NAV2: variants seen among roughly 807,000 people sequenced by gnomAD.
NAV2 encodes neuron navigator 2, also known as helicase, APC down-regulated 1.
Under a neutral mutation model 223.2 loss-of-function variants are expected in NAV2, and 54 were observed. The ratio of observed to expected loss-of-function variants is 0.24; its 90% CI spans 0.19 to 0.30. The LOEUF (loss-of-function observed/expected upper bound fraction) is 0.30, where lower values mean the gene tolerates loss of function less well. Among genes scored for constraint, NAV2 ranks in the 10% least tolerant of loss-of-function variants. NAV2 has a pLI of 1.00. For missense variants in NAV2, 2,806 were observed against 3,147.5 expected, an observed-to-expected ratio of 0.89 and a Z score of 2.60; for synonymous variants, 1,279 against 1,239.3, an observed-to-expected ratio of 1.03 and a Z score of -0.67.
rs568110157 is a variant in NAV2 at position 19,956,734 on chromosome 11, T to G, written c.2645+7654T>G. 2.0e-5 allele frequency among the ~76,000 whole-genome samples: 3 copies of G among 152,196 alleles called. No individual in the cohort carries two copies. In the East Asian group the frequency reaches 5.8e-4, roughly 29 times the overall value. On this transcript the variant is annotated intron_variant, in intron 10 of 37. Transcript: ENST00000349880. The stretch of plus-strand genomic sequence containing the variant: ...CACCCTGGAAGCTCTCTGAGTCCCA[T>G]AGTTGAATGTTTTTTTGGAGACTCT...
chr11:19,994,517 G>A (rs575127471), intron 11 of NAV2, among the ~76,000 whole-genome samples: 1 of 147,034 alleles, frequency 6.8e-6, no homozygotes, highest in African/African-American at 2.5e-5. Flanking sequence ...CTGCCCTCCA[G>A]CCTGGGCGAC....
intron 1 of NAV2, among the ~76,000 whole-genome samples, chr11:19,632,416 G>A (rs1015351503): frequency 2.0e-5 from 3 of 151,960 alleles, no homozygotes; most frequent in Admixed American, 6.6e-5. Context: ...TCATGTCTGC[G>A]CTTTGCAAAC....
In NAV2 at chr11:19,939,671, G is replaced by T; in HGVS notation, c.2044G>T (p.Asp682Tyr). The T allele has an allele frequency of 6.2e-7, 1 of 1,614,074 alleles. No individual in the cohort carries two copies. Among genetic ancestry groups the T allele is most frequent in the South Asian group, 1.1e-5 (1 of 91,062 alleles). The change falls in exon 8 of 38, where the codon GAC (aspartate) becomes TAC (tyrosine). Residue 682 changes from aspartate (D) to tyrosine (Y), a missense_variant. Physicochemically the swap from Asp to Tyr is radical, Grantham distance 160 (BLOSUM62 -3). This residue lies in a region of NAV2 where 1,167 missense variants were observed against 1,180.5 expected (regional missense o/e 0.99). Coordinates refer to ENST00000349880, the MANE Select transcript of NAV2 (RefSeq NM_145117.5). ...VAPFLYRSQT[D>Y]TEGNVTAESS... ...GGTTTGTGTGTGAAGGTCTCAGACG[G>T]ACACTGAAGGGAATGTTACTGCCGA...
chr11:19,349,579 C>A (rs1052464400), upstream of NAV2, among the ~76,000 whole-genome samples: 1 of 152,158 alleles, frequency 6.6e-6, no homozygotes, highest in Middle Eastern at 3.2e-3. Context: ...ATGGCTAGTG[C>A]GTTCATTACA....
chr11:19,480,388 C>A (rs1016434164), intron 1 of NAV2, among the ~76,000 whole-genome samples: 1 of 152,116 alleles, frequency 6.6e-6, no homozygotes, highest in African/African-American at 2.4e-5. Context: ...GCTTGTGTGG[C>A]TGACCAGGAC....
chr11:19,348,824 A>C (rs1853135661), upstream of NAV2, among the ~76,000 whole-genome samples: 1 of 152,206 alleles, frequency 6.6e-6, no homozygotes, highest in African/African-American at 2.4e-5. Flanking sequence ...AGGGTCACAC[A>C]AGAAGCTGCA....
chr11:19,680,348 C>T (rs1314452137), intron 1 of NAV2, among the ~76,000 whole-genome samples: 1 of 152,184 alleles, frequency 6.6e-6, no homozygotes, highest in Non-Finnish European at 1.5e-5. Context: ...CTAAGGCTGT[C>T]GCCTCCCGCC....
intron 36 of NAV2, among the ~76,000 whole-genome samples, chr11:20,108,098 A>AACCATACACATGTGTAGT (rs1195387000): frequency 6.6e-6 from 1 of 152,220 alleles, no homozygotes; most frequent in Non-Finnish European, 1.5e-5. Flanking sequence ...TGAGAAGTAG[A>AACCATACACATGTGTAGT]ACCATACACA....
At chr11:20,042,836 T>A (rs1446902068) in intron 12 of NAV2, among the ~76,000 whole-genome samples, 1 of 152,140 alleles carries the variant, frequency 6.6e-6, no homozygotes, top group Admixed American at 6.5e-5. Flanking sequence ...CCGTGCTGCT[T>A]CTCGCTACTG....
intron 1 of NAV2, among the ~76,000 whole-genome samples, chr11:19,539,523 C>T (rs751947345): frequency 6.6e-6 from 1 of 151,858 alleles, no homozygotes; most frequent in African/African-American, 2.4e-5. Context: ...TTTTTCACTC[C>T]CTGTTAACAC....
intron 11 of NAV2, among the ~76,000 whole-genome samples, chr11:20,014,744 A>G (rs1014510883): frequency 2.0e-5 from 3 of 152,146 alleles, no homozygotes; most frequent in African/African-American, 7.2e-5. Context: ...TCTACTAAAA[A>G]TACAAAAATT....
Position 19,825,291 on chromosome 11 carries a change from C to CA in NAV2, c.268-7163dup, listed in dbSNP as rs58499844. On this transcript the variant is annotated intron_variant, in intron 1 of 37. Transcript: ENST00000349880. ...TGGGAGACAGAGTGAGACTCTGTCT[C>CA]AAAAAAAAAAAAAAAAAAAAAAAAA... Among the ~76,000 whole-genome samples the CA allele has an allele frequency of 1.4e-3, 67 of 48,224 alleles. 11 individuals are homozygous for CA. Among genetic ancestry groups the CA allele is most frequent in the African/African-American group, 2.6e-3 (28 of 10,822 alleles). The allele number at this position is 48,224 out of a possible 152,430, so 31.6% of individuals were successfully genotyped here.
chr11:19,515,200 A>G (rs1429609820), intron 1 of NAV2, among the ~76,000 whole-genome samples: 1 of 152,260 alleles, frequency 6.6e-6, no homozygotes, highest in Non-Finnish European at 1.5e-5. Context: ...TTTCATATTT[A>G]TAAAGCACAT....
intron 1 of NAV2, among the ~76,000 whole-genome samples, chr11:19,822,200 G>T (rs1184273296): frequency 6.6e-6 from 1 of 152,178 alleles, no homozygotes; most frequent in Non-Finnish European, 1.5e-5. Flanking sequence ...ACCAGAATGG[G>T]TGATCCATTT....
chr11:19,797,858 C>T (rs563627221), intron 1 of NAV2, among the ~76,000 whole-genome samples: 6 of 152,244 alleles, frequency 3.9e-5, no homozygotes, highest in Non-Finnish European at 5.9e-5. Flanking sequence ...ATGAAGTCAC[C>T]GGTGTAAAGC....
intron 1 of NAV2, among the ~76,000 whole-genome samples, chr11:19,381,621 T>A (rs1347084746): frequency 6.6e-6 from 1 of 152,112 alleles, no homozygotes; most frequent in Non-Finnish European, 1.5e-5. Flanking sequence ...GGATATTTGA[T>A]GAAGGTGGTG....
chr11:20,097,963 A>G (rs955593267), intron 31 of NAV2, among the ~76,000 whole-genome samples: 3 of 152,226 alleles, frequency 2.0e-5, no homozygotes, highest in Non-Finnish European at 2.9e-5. Flanking sequence ...GCAATTATCT[A>G]ACAAAAGATC....
At chr11:20,013,660 GGAA>G (rs1262850014) in intron 11 of NAV2, among the ~76,000 whole-genome samples, 2 of 152,158 alleles carry the variant, frequency 1.3e-5, no homozygotes, top group African/African-American at 4.8e-5. Flanking sequence ...GGGTTCTGCG[GGAA>G]AAGGTATTTA....
chr11:19,422,530 G>A (rs546638519), intron 1 of NAV2, among the ~76,000 whole-genome samples: 1 of 152,304 alleles, frequency 6.6e-6, no homozygotes, highest in South Asian at 2.1e-4. Context: ...AGGAGCTGGA[G>A]AGCCTGATTC....
Sources: allele counts gnomAD v4.1 joint callset (sites outside exome capture counted in the v4.1 genomes callset), GRCh38; gene constraint gnomAD v4.1.1; regional missense constraint gnomAD v4.1.1; transcripts MANE v1.5; gene names NCBI Gene and HGNC (gene_info 2026-07-23, HGNC 2026-07-21).